HIP1: variants seen among roughly 807,000 people sequenced by gnomAD.
HIP1 encodes the protein huntingtin interacting protein 1, also known as huntingtin-interacting protein 1.
A neutral mutation model predicts 147.6 loss-of-function variants in HIP1; 65 were observed. The ratio of observed to expected loss-of-function variants is 0.44; its 90% CI spans 0.36 to 0.54. HIP1 has a LOEUF of 0.54. HIP1 is among the 20% of genes least tolerant of loss of function. The pLI is 0.00. For synonymous variants in HIP1, 479 were observed against 504.0 expected (o/e 0.95, Z 0.67); for missense variants, 1,061 against 1,299.6 (o/e 0.82, Z 2.82).
rs782284084 is a variant in HIP1 at position 75,534,439 on chromosome 7, CT to C, written c.*3732del. 0.018 allele frequency: 3,022 copies of C among 164,644 alleles called. No homozygotes were observed. Among genetic ancestry groups the C allele is most frequent in the East Asian group, 0.071 (612 of 8,676 alleles). The allele number at this position is 164,644 out of a possible 1,614,324, so 10.2% of individuals were successfully genotyped here. On this transcript the variant is annotated 3_prime_UTR_variant, in exon 31 of 31. Coordinates refer to ENST00000336926, the MANE Select transcript of HIP1 (RefSeq NM_005338.7). ...CTTCTATTTCTTTCTCTCTCTCTCT[CT>C]TTTTTTTTTTTGAGATGGAGTCTCA...
At chr7:75,590,639 CA>C (rs1554500557) in intron 4 of HIP1, among the ~76,000 whole-genome samples, 5 of 152,146 alleles carry the variant, frequency 3.3e-5, no homozygotes, top group Non-Finnish European at 2.9e-5. Context: ...ACAAACCACA[CA>C]AAATCCAACC....
intron 1 of HIP1, among the ~76,000 whole-genome samples, chr7:75,642,309 G>A (rs1000726309): frequency 2.0e-5 from 3 of 152,104 alleles, no homozygotes; most frequent in Non-Finnish European, 4.4e-5. Context: ...AGGCTGAGGC[G>A]GGAGGATCAC....
intron 25 of HIP1, among the ~76,000 whole-genome samples, chr7:75,545,705 C>T (rs1197028822): frequency 2.6e-5 from 4 of 151,992 alleles, no homozygotes; most frequent in Non-Finnish European, 2.9e-5. Context: ...CAGCACTTTG[C>T]GAGGCCAAGG....
Position 75,592,414 on chromosome 7 carries a change from G to A in HIP1, c.285C>T (p.Phe95=). 1 of 1,612,532 alleles carries A rather than the reference G, an allele frequency of 6.2e-7. No individual in the cohort carries two copies. Among genetic ancestry groups the A allele is most frequent in the South Asian group, 1.1e-5 (1 of 91,054 alleles). ...GGAGGAGTTTGTGGAACACATGGCAGAACTTCCAGCAGAGCACTGCGTTGC... is the reference window on the plus strand; with the variant it reads ...GGAGGAGTTTGTGGAACACATGGCAAAACTTCCAGCAGAGCACTGCGTTGC... ...LSSNAVLCWK[F]CHVFHKLLRD... is the part of the protein sequence containing the mutation. The change falls in exon 3 of 31, where the codon TTC becomes TTT. Residue 95 remains phenylalanine (F), a synonymous_variant. Transcript: ENST00000336926.
chr7:75,614,429 C>G (rs1435738339), intron 1 of HIP1, among the ~76,000 whole-genome samples: 2 of 152,066 alleles, frequency 1.3e-5, no homozygotes, highest in African/African-American at 2.4e-5. Context: ...GGTAGATAAG[C>G]CTCCAAAACA....
intron 1 of HIP1, among the ~76,000 whole-genome samples, chr7:75,663,984 G>GTATATATATATATACACATATATGTGTA (rs782429323): frequency 3.9e-4 from 3 of 7,778 alleles, no homozygotes; most frequent in Non-Finnish European, 7.5e-4. Context: ...ACATATATGT[G>GTATATATATATATACACATATATGTGTA]TATATATATA....
intron 4 of HIP1, among the ~76,000 whole-genome samples, chr7:75,590,509 AAACAT>A (rs1554500535): frequency 2.0e-5 from 3 of 152,184 alleles, no homozygotes; most frequent in South Asian, 2.1e-4. Flanking sequence ...GACAAATAGA[AAACAT>A]AGAATAAAAT....
intron 14 of HIP1, among the ~76,000 whole-genome samples, chr7:75,559,411 C>T (rs1795137390): frequency 6.6e-6 from 1 of 152,168 alleles, no homozygotes; most frequent in Non-Finnish European, 1.5e-5. Flanking sequence ...CCACTGTGCC[C>T]TCAGCTTTTA....
At chr7:75,617,902 C>A (rs1554506391) in intron 1 of HIP1, among the ~76,000 whole-genome samples, 1 of 152,222 alleles carries the variant, frequency 6.6e-6, no homozygotes, top group Non-Finnish European at 1.5e-5. Flanking sequence ...GGGCAAGTCA[C>A]CCTCCCTAGA....
At chr7:75,611,905 C>A (rs1001565461) in intron 1 of HIP1, 53 of 1,006,094 alleles carry the variant, frequency 5.3e-5, no homozygotes, top group Non-Finnish European at 6.1e-5. Flanking sequence ...CCCAGCACTC[C>A]CCATCCTCCG....
intron 1 of HIP1, among the ~76,000 whole-genome samples, chr7:75,675,854 G>C (rs1799870159): frequency 6.6e-6 from 1 of 152,104 alleles, no homozygotes; most frequent in South Asian, 2.1e-4. Flanking sequence ...GGTGGTGTGT[G>C]CTTGTAATCC....
intron 1 of HIP1, among the ~76,000 whole-genome samples, chr7:75,704,203 T>C (rs1389750799): frequency 6.6e-6 from 1 of 152,166 alleles, no homozygotes; most frequent in Non-Finnish European, 1.5e-5. Context: ...GTTCTAGTGG[T>C]AGTTCTTACA....
Position 75,721,002 on chromosome 7 carries a change from C to T in HIP1, c.120+17799G>A, listed in dbSNP as rs545922725. Among the ~76,000 whole-genome samples, 18 of 147,778 alleles carry T rather than the reference C, an allele frequency of 1.2e-4. No homozygotes were observed. The South Asian group carries it at 3.8e-3, about 32-fold the overall frequency. The stretch of plus-strand genomic sequence containing the variant: ...GCGGTAAGCCAAGATCGGGCCATTG[C>T]ACTCCAGCCTGGGCAACAAGAGCAA... On this transcript the variant is annotated intron_variant, in intron 1 of 30. Coordinates refer to ENST00000336926, the MANE Select transcript of HIP1 (RefSeq NM_005338.7).
chr7:75,546,886 G>T (rs986698818), intron 25 of HIP1, 53 bp downstream of exon 25: 1 of 1,257,570 alleles, frequency 8.0e-7, no homozygotes, highest in African/African-American at 1.5e-5. Flanking sequence ...GTTGGAGCGG[G>T]AGTCTGTCAC....
At chr7:75,694,853 A>C (rs1303308977) in intron 1 of HIP1, among the ~76,000 whole-genome samples, 1 of 151,584 alleles carries the variant, frequency 6.6e-6, no homozygotes, top group Non-Finnish European at 1.5e-5. Context: ...TGCACTTTCC[A>C]ACTTTTGGCT....
chr7:75,639,124 G>A (rs1798551100), intron 1 of HIP1: 1 of 984,226 alleles, frequency 1.0e-6, no homozygotes, highest in Non-Finnish European at 1.2e-6. Flanking sequence ...CCCCAAAGCT[G>A]CTCCCGGCTA....
At chr7:75,695,853 G>T (rs1470087392) in intron 1 of HIP1, among the ~76,000 whole-genome samples, 1 of 151,930 alleles carries the variant, frequency 6.6e-6, no homozygotes, top group Non-Finnish European at 1.5e-5. Flanking sequence ...GGGATTACAG[G>T]CATGAGCCAC....
intron 1 of HIP1, among the ~76,000 whole-genome samples, chr7:75,627,585 G>C (rs1798087194): frequency 2.0e-5 from 3 of 152,158 alleles, no homozygotes; most frequent in Admixed American, 2.0e-4. Flanking sequence ...GTCACCTCCA[G>C]CCTTGTTCCA....
chr7:75,639,936 G>T (rs1221853747), intron 1 of HIP1, among the ~76,000 whole-genome samples: 1 of 152,188 alleles, frequency 6.6e-6, no homozygotes, highest in African/African-American at 2.4e-5. Context: ...GTGAGCCACA[G>T]CCAGCCCTTC....
Sources: allele counts gnomAD v4.1 joint callset (sites outside exome capture counted in the v4.1 genomes callset), GRCh38; gene constraint gnomAD v4.1.1; transcripts MANE v1.5; gene names NCBI Gene and HGNC (gene_info 2026-07-23, HGNC 2026-07-21).